The following LIN9 variants were observed in gnomAD, a reference collection of about 807,000 sequenced individuals.
LIN9 encodes the protein protein lin-9 homolog.
A neutral mutation model predicts 78.0 loss-of-function variants in LIN9; 18 were observed. That is an observed-to-expected ratio of 0.23 (90% CI 0.16 to 0.34). The LOEUF is 0.34. Among genes scored for constraint, LIN9 ranks in the 10% least tolerant of loss-of-function variants. The pLI, the probability that LIN9 is intolerant of heterozygous loss-of-function variation, is 1.00. For synonymous variants in LIN9, 192 were observed against 215.2 expected (o/e 0.89, Z 0.94); for missense variants, 451 against 644.1 (o/e 0.70, Z 3.25).
At chr1:226,296,852 C>T (rs1403922789) in intron 3 of LIN9, among the ~76,000 whole-genome samples, 1 of 151,858 alleles carries the variant, frequency 6.6e-6, no homozygotes, top group Non-Finnish European at 1.5e-5. Context: ...GAGACCCCAT[C>T]TCTACAAAAA....
chr1:226,306,350 G>A (rs1323726944), intron 1 of LIN9, among the ~76,000 whole-genome samples: 1 of 151,966 alleles, frequency 6.6e-6, no homozygotes, highest in Non-Finnish European at 1.5e-5. Flanking sequence ...AAAAGAAAGA[G>A]AGGGAAGTGC....
intron 7 of LIN9, among the ~76,000 whole-genome samples, chr1:226,276,627 AT>A (rs1315929980): frequency 5.3e-5 from 8 of 152,224 alleles, no homozygotes; most frequent in Non-Finnish European, 5.9e-5. Context: ...TGATATAAAT[AT>A]GTAACTCCAG....
At chr1:226,235,723 C>G (rs1657660542) in intron 12 of LIN9, among the ~76,000 whole-genome samples, 1 of 152,164 alleles carries the variant, frequency 6.6e-6, no homozygotes, top group Non-Finnish European at 1.5e-5. Context: ...AAGTTTATGT[C>G]ACTCCTTTGA....
At chr1:226,298,667 C>T (rs1327259376) in intron 2 of LIN9, among the ~76,000 whole-genome samples, 1 of 152,126 alleles carries the variant, frequency 6.6e-6, no homozygotes, top group Non-Finnish European at 1.5e-5. Flanking sequence ...TCGAGACCAA[C>T]CTGCCCAACA....
intron 10 of LIN9, among the ~76,000 whole-genome samples, chr1:226,257,167 C>T (rs889668452): frequency 2.6e-5 from 4 of 151,860 alleles, no homozygotes; most frequent in African/African-American, 9.7e-5. Context: ...CCAGGCTGGT[C>T]TCGAACTCCT....
At chr1:226,293,861 T>C (rs1015803353) in intron 4 of LIN9, among the ~76,000 whole-genome samples, 1 of 152,240 alleles carries the variant, frequency 6.6e-6, no homozygotes, top group Non-Finnish European at 1.5e-5. Context: ...TTATGTGCAC[T>C]TGTCCTTGAC....
chr1:226,270,810 G>A (rs145341361), intron 7 of LIN9, among the ~76,000 whole-genome samples: 1,482 of 105,894 alleles, frequency 0.014, 23 homozygotes, highest in African/African-American at 0.05. Flanking sequence ...GGAAGACAGA[G>A]CAAGACTCTG....
chr1:226,272,807 C>T (rs1208196803), intron 7 of LIN9, among the ~76,000 whole-genome samples: 5 of 152,098 alleles, frequency 3.3e-5, no homozygotes, highest in African/African-American at 1.2e-4. Flanking sequence ...TTGACCCCCA[C>T]ATTCTCACCA....
intron 8 of LIN9, 97 bp downstream of exon 8, chr1:226,267,860 A>T: frequency 7.9e-7 from 1 of 1,273,880 alleles, no homozygotes; most frequent in Non-Finnish European, 1.1e-6. Flanking sequence ...CTGTGAGATA[A>T]AGTCTTGATT....
Position 226,287,807 on chromosome 1 carries a change from A to C in LIN9, c.265-10T>G. On this transcript the variant is annotated splice_polypyrimidine_tract_variant and intron_variant, in intron 4 of 14. Transcript: ENST00000681046. ...TTGTTGCTGTAAATTTCTATACAAT[A>C]AAAAAAAGAGATTAATTTATGGCTC... is the stretch of plus-strand genomic sequence containing the variant. 1.3e-6 allele frequency: 2 copies of C among 1,513,856 alleles called. No individual in the cohort carries two copies. The highest frequency in any genetic ancestry group is 1.8e-6 in the Non-Finnish European group (2 of 1,134,242). The allele number at this position is 1,513,856 out of a possible 1,614,324, so 93.8% of individuals were successfully genotyped here. A position where few individuals can be genotyped will look rare whatever the true frequency, so the allele number is the denominator to read the frequency against.
intron 2 of LIN9, 127 bp downstream of exon 2, chr1:226,301,046 G>C: frequency 1.9e-6 from 1 of 534,072 alleles, no homozygotes; most frequent in Non-Finnish European, 3.2e-6. Context: ...AAGGTTATCA[G>C]TGAAAACCAA....
intron 7 of LIN9, among the ~76,000 whole-genome samples, chr1:226,271,420 TAATTA>T (rs1178036348): frequency 3.3e-5 from 5 of 152,244 alleles, no homozygotes; most frequent in African/African-American, 1.2e-4. Context: ...GGAATATGTT[TAATTA>T]AATTCTATTG....
upstream of LIN9, chr1:226,309,526 T>C: frequency 8.5e-7 from 1 of 1,175,070 alleles, no homozygotes; most frequent in Non-Finnish European, 1.1e-6. Context: ...GGCTGTTTGT[T>C]CCGAGTGGAG....
intron 11 of LIN9, among the ~76,000 whole-genome samples, chr1:226,249,836 A>G (rs1238920008): frequency 6.6e-6 from 1 of 152,230 alleles, no homozygotes; most frequent in Non-Finnish European, 1.5e-5. Context: ...TACAATTCAA[A>G]GACTTTCTTA....
At chr1:226,279,218 G>A (rs1660880833) in intron 6 of LIN9, among the ~76,000 whole-genome samples, 1 of 151,994 alleles carries the variant, frequency 6.6e-6, no homozygotes, top group South Asian at 2.1e-4. Context: ...TTTTAATCCT[G>A]GCACTTTGTA....
At chr1:226,293,874 C>CT (rs998481494) in intron 4 of LIN9, among the ~76,000 whole-genome samples, 20 of 150,278 alleles carry the variant, frequency 1.3e-4, no homozygotes, top group South Asian at 4.2e-4. Context: ...TCCTTGACAA[C>CT]TTTTTTTTTT....
At chr1:226,278,755 C>T (rs943386806) in intron 6 of LIN9, among the ~76,000 whole-genome samples, 10 of 149,088 alleles carry the variant, frequency 6.7e-5, no homozygotes, top group African/African-American at 2.5e-4. Context: ...ACCCAGAGGG[C>T]AGAGGCTGCA....
At chr1:226,249,861 C>G (rs777853135) in intron 11 of LIN9, among the ~76,000 whole-genome samples, 1 of 152,174 alleles carries the variant, frequency 6.6e-6, no homozygotes, top group Non-Finnish European at 1.5e-5. Context: ...ATAGTGCCTA[C>G]ATAAACAGCT....
At chr1:226,307,828 G>A (rs1663014642) in intron 1 of LIN9, among the ~76,000 whole-genome samples, 1 of 152,122 alleles carries the variant, frequency 6.6e-6, no homozygotes, top group African/African-American at 2.4e-5. Flanking sequence ...AATGTTCCAT[G>A]GCTACATATG....
Sources: allele counts gnomAD v4.1 joint callset (sites outside exome capture counted in the v4.1 genomes callset), GRCh38; gene constraint gnomAD v4.1.1; transcripts MANE v1.5; gene names NCBI Gene and HGNC (gene_info 2026-07-23, HGNC 2026-07-21).